Variants in SEC24D observed in about 807,000 individuals in gnomAD.
The protein encoded by SEC24D is SEC24 homolog D, COPII component, also known as protein transport protein Sec24D.
In SEC24D, 69 loss-of-function variants were observed where a neutral mutation model predicts 116.9. That is an observed-to-expected ratio of 0.59 (90% confidence interval 0.49 to 0.72). The LOEUF (loss-of-function observed/expected upper bound fraction) is 0.72, where lower values mean the gene tolerates loss of function less well. Ranked by LOEUF, SEC24D falls within the 30% of genes least tolerant of loss-of-function variation. The pLI, the probability that SEC24D is intolerant of heterozygous loss-of-function variation, is 0.00. For synonymous variants in SEC24D, 405 were observed against 442.8 expected (o/e 0.91, Z 1.07); for missense variants, 1,131 against 1,264.1 (o/e 0.89, Z 1.60).
chr4:118,744,550 T>A (rs1726399753), intron 14 of SEC24D, among the ~76,000 whole-genome samples: 1 of 152,186 alleles, frequency 6.6e-6, no homozygotes, highest in Non-Finnish European at 1.5e-5. Context: ...TGCTACACTG[T>A]CAGAGGTTTT....
chr4:118,778,951 T>C (rs1316428418), intron 8 of SEC24D, among the ~76,000 whole-genome samples: 1 of 152,216 alleles, frequency 6.6e-6, no homozygotes, highest in Non-Finnish European at 1.5e-5. Context: ...CACATTGATT[T>C]TGTATCCTGA....
chr4:118,784,900 T>A (rs1728602115), intron 8 of SEC24D, among the ~76,000 whole-genome samples: 1 of 152,208 alleles, frequency 6.6e-6, no homozygotes, highest in Non-Finnish European at 1.5e-5. Flanking sequence ...AAATTCCTTA[T>A]GAAATTGTTA....
At chr4:118,796,678 C>G (rs1280329575) in intron 8 of SEC24D, among the ~76,000 whole-genome samples, 1 of 152,198 alleles carries the variant, frequency 6.6e-6, no homozygotes, top group Non-Finnish European at 1.5e-5. Flanking sequence ...CTTCCTCCTC[C>G]CCTTCCTCAC....
At chr4:118,831,741 C>T (rs1403369473) in intron 2 of SEC24D, among the ~76,000 whole-genome samples, 1 of 151,916 alleles carries the variant, frequency 6.6e-6, no homozygotes, top group African/African-American at 2.4e-5. Flanking sequence ...TTAGGGGAGG[C>T]ATCTGGGCTG....
Position 118,815,688 on chromosome 4 carries a change from G to A in SEC24D, c.436C>T (p.Pro146Ser), listed in dbSNP as rs753623541. Residue 146 changes from proline to serine, a missense_variant, in exon 5 of 23, where the codon CCT (proline) becomes TCT (serine). Transcript: ENST00000280551. The stretch of plus-strand genomic sequence containing the variant: ...GTCTGCAATGATGTGGCTGACAGAG[G>A]GCCAGGGGGTCCCTGGCTTGGAGGA... ...MAPPSQGPPGPLSATSLQTPP... is the reference protein window; with the variant it reads ...MAPPSQGPPGSLSATSLQTPP... The A allele has an allele frequency of 6.2e-7, 1 of 1,614,100 alleles. No homozygotes were observed. Among genetic ancestry groups the A allele is most frequent in the Non-Finnish European group, 8.5e-7 (1 of 1,180,012 alleles).
At chr4:118,789,876 G>A (rs931503436) in intron 8 of SEC24D, among the ~76,000 whole-genome samples, 9 of 152,270 alleles carry the variant, frequency 5.9e-5, no homozygotes, top group Non-Finnish European at 1.0e-4. Context: ...GAGCCACCGC[G>A]CCCTGCCTCA....
chr4:118,792,640 A>G (rs1474402132), intron 8 of SEC24D, among the ~76,000 whole-genome samples: 1 of 152,216 alleles, frequency 6.6e-6, no homozygotes, highest in East Asian at 1.9e-4. Flanking sequence ...TAAGTGTTAA[A>G]TGGATTAAGG....
At chr4:118,820,780 T>C (rs936206781) in intron 3 of SEC24D, among the ~76,000 whole-genome samples, 1 of 152,198 alleles carries the variant, frequency 6.6e-6, no homozygotes, top group South Asian at 2.1e-4. Flanking sequence ...CATTCAATTA[T>C]ATATTTTAAT....
At chr4:118,829,647 T>C (rs1360016488) in intron 2 of SEC24D, among the ~76,000 whole-genome samples, 1 of 152,076 alleles carries the variant, frequency 6.6e-6, no homozygotes, top group Non-Finnish European at 1.5e-5. Flanking sequence ...ACCCCGTCTC[T>C]ACTAAAAATA....
intron 8 of SEC24D, among the ~76,000 whole-genome samples, chr4:118,772,361 T>C (rs1405032366): frequency 6.6e-6 from 1 of 152,248 alleles, no homozygotes; most frequent in African/African-American, 2.4e-5. Context: ...CATGTAACTC[T>C]AATAACTTTT....
chr4:118,792,162 T>C (rs1033538493), intron 8 of SEC24D, among the ~76,000 whole-genome samples: 1 of 139,462 alleles, frequency 7.2e-6, no homozygotes, highest in African/African-American at 2.7e-5. Context: ...CTGAGGAGTG[T>C]CTCTGCCCCG....
At chr4:118,760,410 T>C (rs1701188619) in intron 10 of SEC24D, 1 of 152,236 alleles carries the variant, frequency 6.6e-6, no homozygotes, top group Non-Finnish European at 1.5e-5. Context: ...AATCATTCCA[T>C]ATTTATCCTT....
intron 21 of SEC24D, 76 bp downstream of exon 21, chr4:118,731,240 T>C (rs1199652180): frequency 8.5e-7 from 1 of 1,177,942 alleles, no homozygotes; most frequent in Non-Finnish European, 1.2e-6. Flanking sequence ...CTGTAATATT[T>C]GACTGCACAT....
At chr4:118,757,639 G>C (rs1727165183) in intron 11 of SEC24D, 82 bp downstream of exon 11, 1 of 1,307,400 alleles carries the variant, frequency 7.6e-7, no homozygotes, top group African/African-American at 1.5e-5. Flanking sequence ...AAAATCAATT[G>C]GTCATTCAGC....
intron 3 of SEC24D, among the ~76,000 whole-genome samples, chr4:118,819,307 G>A (rs1035758573): frequency 2.0e-5 from 3 of 152,084 alleles, no homozygotes; most frequent in East Asian, 1.9e-4. Flanking sequence ...CGAGGAGGGC[G>A]GATCACGAGG....
intron 8 of SEC24D, among the ~76,000 whole-genome samples, chr4:118,771,769 T>G (rs969122112): frequency 3.3e-5 from 5 of 152,226 alleles, no homozygotes; most frequent in African/African-American, 1.2e-4. Flanking sequence ...TTTAAAAGTC[T>G]TCTTATTTGA....
At chr4:118,774,645 T>C (rs1560675184) in intron 8 of SEC24D, among the ~76,000 whole-genome samples, 1 of 152,122 alleles carries the variant, frequency 6.6e-6, no homozygotes, top group African/African-American at 2.4e-5. Flanking sequence ...AAGCATACAG[T>C]TTCAGAGAAA....
chr4:118,745,520 G>C (rs906082544), intron 13 of SEC24D, among the ~76,000 whole-genome samples: 1 of 152,114 alleles, frequency 6.6e-6, no homozygotes, highest in African/African-American at 2.4e-5. Flanking sequence ...GGTATTTTGA[G>C]GAAGAATGCA....
chr4:118,784,085 A>G (rs10011672), intron 8 of SEC24D, among the ~76,000 whole-genome samples: 51,893 of 152,126 alleles, frequency 0.34, 9,298 homozygotes, highest in East Asian at 0.45. Context: ...CTGTGCTCCG[A>G]CTGGGCTACT....
Sources: allele counts gnomAD v4.1 joint callset (sites outside exome capture counted in the v4.1 genomes callset), GRCh38; gene constraint gnomAD v4.1.1; transcripts MANE v1.5; gene names NCBI Gene and HGNC (gene_info 2026-07-23, HGNC 2026-07-21).